The following APBB2 variants were observed in gnomAD, a reference collection of about 807,000 sequenced individuals.
The protein encoded by APBB2 is amyloid beta precursor protein binding family B member 2, also known as Fe65-like 1.
Under a neutral mutation model 82.5 loss-of-function variants are expected in APBB2, and 38 were observed. The observed-to-expected ratio is 0.46, with a 90% CI of 0.36 to 0.60. The LOEUF is 0.60. APBB2 is among the 20% of genes least tolerant of loss of function. APBB2 has a pLI of 0.00. For synonymous variants in APBB2, 341 were observed against 368.2 expected, an observed-to-expected ratio of 0.93 and a Z score of 0.85; for missense variants, 772 against 972.3, an observed-to-expected ratio of 0.79 and a Z score of 2.74.
intron 2 of APBB2, among the ~76,000 whole-genome samples, chr4:41,129,516 AG>A (rs1227405031): frequency 6.6e-6 from 1 of 152,226 alleles, no homozygotes; most frequent in African/African-American, 2.4e-5. Flanking sequence ...TTTGCACAGA[AG>A]TTTGGACACA....
At chr4:40,902,541 T>C (rs1775617094) in intron 10 of APBB2, among the ~76,000 whole-genome samples, 1 of 152,142 alleles carries the variant, frequency 6.6e-6, no homozygotes, top group Non-Finnish European at 1.5e-5. Context: ...TTTTTGTTTT[T>C]GTATTTTTTT....
intron 1 of APBB2, among the ~76,000 whole-genome samples, chr4:41,199,892 C>A (rs1189690984): frequency 6.6e-6 from 1 of 152,210 alleles, no homozygotes; most frequent in Non-Finnish European, 1.5e-5. Context: ...CATGCACTGG[C>A]AGCCTGATTT....
At chr4:40,909,754 CTATT>C (rs904840728) in intron 10 of APBB2, among the ~76,000 whole-genome samples, 5 of 152,250 alleles carry the variant, frequency 3.3e-5, no homozygotes, top group East Asian at 1.9e-4. Context: ...CTAGCAGTGA[CTATT>C]TATCGAGGGC....
intron 10 of APBB2, among the ~76,000 whole-genome samples, chr4:40,903,323 T>G (rs1775847011): frequency 6.6e-6 from 1 of 151,366 alleles, no homozygotes; most frequent in African/African-American, 2.4e-5. Context: ...AAAAATCAGC[T>G]GAGTGTGGTG....
At chr4:40,868,458 C>T (rs1385758847) in intron 12 of APBB2, among the ~76,000 whole-genome samples, 1 of 152,144 alleles carries the variant, frequency 6.6e-6, no homozygotes, top group Admixed American at 6.5e-5. Context: ...ACACAATGAT[C>T]CAGTAACCAA....
At chr4:40,935,235 A>G in intron 7 of APBB2, 96 bp from the exon 8 acceptor site, 2 of 909,040 alleles carry the variant, frequency 2.2e-6, no homozygotes, top group Non-Finnish European at 3.3e-6. Context: ...TGTTGTTAGC[A>G]TTGATATTCA....
At chr4:41,176,820 AAAAAATTT>A (rs1769929806) in intron 1 of APBB2, among the ~76,000 whole-genome samples, 1 of 152,198 alleles carries the variant, frequency 6.6e-6, no homozygotes, top group Non-Finnish European at 1.5e-5. Flanking sequence ...AATTATAAGA[AAAAAATTT>A]GAGATCTTAT....
intron 12 of APBB2, chr4:40,857,015 A>T: frequency 1.0e-6 from 1 of 985,530 alleles, no homozygotes; most frequent in Non-Finnish European, 1.2e-6. Context: ...TTCCTTCGCC[A>T]ACTTCCTCAC....
At chr4:40,965,099 G>C (rs944565435) in intron 6 of APBB2, among the ~76,000 whole-genome samples, 11 of 150,572 alleles carry the variant, frequency 7.3e-5, no homozygotes, top group Non-Finnish European at 1.5e-4. Context: ...CAGCCAGGGC[G>C]ACAGAGCAAG....
chr4:41,044,323 T>C (rs1394009394), intron 4 of APBB2, among the ~76,000 whole-genome samples: 1 of 152,184 alleles, frequency 6.6e-6, no homozygotes, highest in Non-Finnish European at 1.5e-5. Context: ...CATAATCTCA[T>C]GGATTTAAAC....
At chr4:41,168,531 A>G (rs186335485) in intron 1 of APBB2, among the ~76,000 whole-genome samples, 237 of 152,166 alleles carry the variant, frequency 1.6e-3, no homozygotes, top group African/African-American at 5.4e-3. Flanking sequence ...TAATGGGCTT[A>G]TATTTGTTTT....
chr4:41,206,080 C>T (rs1270564651), intron 1 of APBB2, among the ~76,000 whole-genome samples: 2 of 152,086 alleles, frequency 1.3e-5, no homozygotes, highest in African/African-American at 2.4e-5. Context: ...CAAATGTTCC[C>T]CAGTGAGCAA....
chr4:41,137,572 A>T (rs916916197), intron 2 of APBB2, among the ~76,000 whole-genome samples: 1 of 152,220 alleles, frequency 6.6e-6, no homozygotes, highest in Non-Finnish European at 1.5e-5. Flanking sequence ...TTTAGTGAAG[A>T]CACTGCATCT....
At chr4:40,816,731 CTGTAAAATGGCTGAAG>C (rs1296783057) in intron 17 of APBB2, among the ~76,000 whole-genome samples, 2 of 152,220 alleles carry the variant, frequency 1.3e-5, no homozygotes, top group African/African-American at 2.4e-5. Context: ...GTTTCTTCAA[CTGTAAAATGGCTGAAG>C]AAAGGACTAT....
chr4:41,198,313 G>A, intron 1 of APBB2, among the ~76,000 whole-genome samples: 1 of 152,162 alleles, frequency 6.6e-6, no homozygotes, highest in Non-Finnish European at 1.5e-5. Flanking sequence ...CTGTCTGCCT[G>A]GGCCAACATG....
chr4:41,200,856 T>C (rs181603875), intron 1 of APBB2, among the ~76,000 whole-genome samples: 3 of 152,238 alleles, frequency 2.0e-5, no homozygotes, highest in Admixed American at 2.0e-4. Context: ...TTTAAGAAAA[T>C]ATTCAGGGTG....
chr4:41,072,114 C>T (rs964428529), intron 3 of APBB2, among the ~76,000 whole-genome samples: 2 of 152,084 alleles, frequency 1.3e-5, no homozygotes, highest in African/African-American at 4.8e-5. Context: ...TCTGGAGAGC[C>T]CAAGGGGAAA....
At chr4:41,173,742 T>C (rs1368011389) in intron 1 of APBB2, among the ~76,000 whole-genome samples, 6 of 152,150 alleles carry the variant, frequency 3.9e-5, no homozygotes, top group Non-Finnish European at 8.8e-5. Flanking sequence ...CTAGGAGCAA[T>C]AGGCCATACC....
In APBB2 at chr4:40,982,416, A is replaced by AG. The variant is rs58738178; in HGVS notation, c.835+31166dup. Among the ~76,000 whole-genome samples the AG allele has an allele frequency of 2.7e-3, 302 of 110,372 alleles. 27 individuals carry two copies. The highest frequency in any genetic ancestry group is 0.01 in the African/African-American group (280 of 27,638). 72.4% of individuals were successfully genotyped at this position (110,372 alleles called of 152,430 possible). A position where few individuals can be genotyped will look rare whatever the true frequency, so the allele number is the denominator to read the frequency against. ...GAAAGGAAAGGAAAGAAAGAAAGAA[A>AG]GAAAGAAAGAAAGAAAGAAAGAAAG... On this transcript the variant is annotated intron_variant, in intron 6 of 17. Transcript: ENST00000508593.
Sources: gnomAD v4.1 joint callset for allele counts (sites outside exome capture counted in the v4.1 genomes callset) on GRCh38, gnomAD v4.1.1 for gene constraint, MANE v1.5 for transcripts, NCBI Gene and HGNC (gene_info 2026-07-23, HGNC 2026-07-21) for gene names.